Variants in TRAM2 observed in about 807,000 individuals in gnomAD.
TRAM2 encodes translocation associated membrane protein 2, also known as translocating chain-associated membrane protein 2.
Under a neutral mutation model 51.0 loss-of-function variants are expected in TRAM2, and 12 were observed. That is an observed-to-expected ratio of 0.24 (90% CI 0.15 to 0.38). The LOEUF is 0.38. Among genes scored for constraint, TRAM2 ranks in the 10% least tolerant of loss-of-function variants. The pLI, the probability that TRAM2 is intolerant of heterozygous loss-of-function variation, is 1.00. For missense variants in TRAM2, 361 were observed against 462.0 expected (o/e 0.78, Z 2.00); for synonymous variants, 175 against 179.4 (o/e 0.98, Z 0.20).
intron 2 of TRAM2, among the ~76,000 whole-genome samples, chr6:52,525,797 G>A (rs888622425): frequency 4.6e-5 from 7 of 152,150 alleles, no homozygotes. Context: ...GACAGAGCTA[G>A]ACTCCTGTCC....
chr6:52,503,413 C>T (rs1008105696), intron 10 of TRAM2, 143 bp from the exon 11 acceptor site: 25 of 733,360 alleles, frequency 3.4e-5, no homozygotes, highest in African/African-American at 2.8e-4. Flanking sequence ...CAGGCTGCAG[C>T]CTTGCACAGC....
chr6:52,550,881 T>C (rs1357309156), intron 1 of TRAM2, among the ~76,000 whole-genome samples: 1 of 152,118 alleles, frequency 6.6e-6, no homozygotes, highest in African/African-American at 2.4e-5. Flanking sequence ...ATAGGACACT[T>C]TAAACCAGCA....
chr6:52,505,155 T>C (rs1372651861), intron 9 of TRAM2, among the ~76,000 whole-genome samples: 1 of 152,226 alleles, frequency 6.6e-6, no homozygotes, highest in Non-Finnish European at 1.5e-5. Flanking sequence ...TCATTTAACA[T>C]GTCACTTAAA....
At chr6:52,568,134 C>G in intron 1 of TRAM2, among the ~76,000 whole-genome samples, 1 of 152,202 alleles carries the variant, frequency 6.6e-6, no homozygotes, top group Non-Finnish European at 1.5e-5. Context: ...TGGAAGAATC[C>G]AGGCCCCTGT....
chr6:52,551,509 G>A (rs1767309284), intron 1 of TRAM2, among the ~76,000 whole-genome samples: 1 of 152,180 alleles, frequency 6.6e-6, no homozygotes, highest in Non-Finnish European at 1.5e-5. Flanking sequence ...GTGAATGAGG[G>A]AGGAGAGAAA....
intron 1 of TRAM2, among the ~76,000 whole-genome samples, chr6:52,547,885 C>G (rs1225455826): frequency 1.3e-5 from 2 of 152,264 alleles, no homozygotes; most frequent in African/African-American, 2.4e-5. Flanking sequence ...TATTCACACT[C>G]TACAGCCACA....
At chr6:52,513,275 G>T (rs1766485491) in intron 4 of TRAM2, among the ~76,000 whole-genome samples, 1 of 152,162 alleles carries the variant, frequency 6.6e-6, no homozygotes, top group Non-Finnish European at 1.5e-5. Context: ...GATCATTTAT[G>T]ATATTTATTA....
At chr6:52,558,859 CCCCAAA>C (rs370561907) in intron 1 of TRAM2, among the ~76,000 whole-genome samples, 38 of 152,240 alleles carry the variant, frequency 2.5e-4, no homozygotes, top group African/African-American at 9.2e-4. Context: ...AGAGATGTGG[CCCCAAA>C]CCCAACCACG....
At chr6:52,567,231 G>T (rs1767604460) in intron 1 of TRAM2, among the ~76,000 whole-genome samples, 1 of 152,234 alleles carries the variant, frequency 6.6e-6, no homozygotes, top group Admixed American at 6.5e-5. Flanking sequence ...GTGGTAAGTG[G>T]TCAGTGAAAA....
rs1001328040 is a variant in TRAM2, at chr6:52,502,321, C to A, written c.*876G>T. ...TGAATGGCTGAAAAAGCAATGGCGA[C>A]TGGGACTGCTGGAGAAAGGCCTAGG... On this transcript the variant is annotated 3_prime_UTR_variant, in exon 11 of 11. Coordinates refer to ENST00000182527, the MANE Select transcript of TRAM2 (RefSeq NM_012288.4). The A allele has an allele frequency of 1.3e-5, 2 of 152,348 alleles. No homozygotes were observed. The highest frequency in any genetic ancestry group is 2.9e-5 in the Non-Finnish European group (2 of 68,126). The allele number at this position is 152,348 out of a possible 1,614,324, so 9.4% of individuals were successfully genotyped here.
rs549322729 is a variant in TRAM2, at chr6:52,554,766, CT to C, written c.121-18921del. Among the ~76,000 whole-genome samples the C allele has an allele frequency of 6.6e-3, 886 of 133,332 alleles. 4 individuals are homozygous for C. Among genetic ancestry groups the C allele is most frequent in the African/African-American group, 0.014 (484 of 35,418 alleles). The allele number at this position is 133,332 out of a possible 152,430, so 87.5% of individuals were successfully genotyped here. On this transcript the variant is annotated intron_variant, in intron 1 of 10. Coordinates refer to ENST00000182527, the MANE Select transcript of TRAM2 (RefSeq NM_012288.4). ...GTTACATTTCCACTTAGAGTCAATC[CT>C]TTTTTTTTTTTTTTTTTAACAGAGG...
chr6:52,514,187 G>A lies in TRAM2; in HGVS notation c.411+1819C>T, dbSNP rs77340909. On this transcript the variant is annotated intron_variant, in intron 4 of 10. Coordinates refer to ENST00000182527, the MANE Select transcript of TRAM2 (RefSeq NM_012288.4). ...GGAGGCAGAGCTGGCAGGACCTGCC[G>A]ATGAAATGACTGTGGAGAGTGAGAG... 9.8e-3 allele frequency among the ~76,000 whole-genome samples: 1,498 copies of A among 152,282 alleles called. 28 individuals carry two copies. Among genetic ancestry groups the A allele is most frequent in the African/African-American group, 0.034 (1,410 of 41,528 alleles).
At chr6:52,555,878 G>A (rs757692279) in intron 1 of TRAM2, among the ~76,000 whole-genome samples, 5 of 152,124 alleles carry the variant, frequency 3.3e-5, no homozygotes, top group Non-Finnish European at 7.4e-5. Context: ...TTTTAAAGTG[G>A]AAGAGCTATA....
At chr6:52,537,486 C>T (rs1016308668) in intron 1 of TRAM2, among the ~76,000 whole-genome samples, 1 of 152,156 alleles carries the variant, frequency 6.6e-6, no homozygotes. Flanking sequence ...CACCACCACA[C>T]ACACACAGCT....
Position 52,497,946 on chromosome 6 carries a change from CAG to C in TRAM2, c.*5249_*5250del, listed in dbSNP as rs1272365303. Reference sequence around the variant, plus strand: ...CAAGTAGCTCTAGAGTGCTTTTAGGCAGAGTGACGGTGATGTCATGGGCACCA... The same window carrying C: ...CAAGTAGCTCTAGAGTGCTTTTAGGCAGTGACGGTGATGTCATGGGCACCA... On this transcript the variant is annotated 3_prime_UTR_variant, in exon 11 of 11. Coordinates refer to ENST00000182527, the MANE Select transcript of TRAM2 (RefSeq NM_012288.4). 1 of 152,222 alleles carries C rather than the reference CAG, an allele frequency of 6.6e-6. No homozygotes were observed. The highest frequency in any genetic ancestry group is 2.4e-5 in the African/African-American group (1 of 41,448). 9.4% of individuals were successfully genotyped at this position (152,222 alleles called of 1,614,324 possible).
At chr6:52,574,862 G>T (rs1188294755) in intron 1 of TRAM2, among the ~76,000 whole-genome samples, 1 of 152,168 alleles carries the variant, frequency 6.6e-6, no homozygotes, top group Non-Finnish European at 1.5e-5. Context: ...AGATAAAACA[G>T]GGAGGGCCAC....
chr6:52,522,370 A>G (rs915720890), intron 2 of TRAM2, among the ~76,000 whole-genome samples: 7 of 152,364 alleles, frequency 4.6e-5, no homozygotes, highest in African/African-American at 7.2e-5. Context: ...TGGAGTCCCA[A>G]TGTTTCAAAA....
intron 1 of TRAM2, among the ~76,000 whole-genome samples, chr6:52,558,464 T>G (rs1006568206): frequency 2.8e-4 from 42 of 152,120 alleles, no homozygotes; most frequent in African/African-American, 1.0e-3. Context: ...AACTGAAGAG[T>G]TCTGGAGATT....
chr6:52,558,232 C>T (rs1767442264), intron 1 of TRAM2, among the ~76,000 whole-genome samples: 1 of 152,236 alleles, frequency 6.6e-6, no homozygotes, highest in African/African-American at 2.4e-5. Context: ...AAACTACTTG[C>T]AATCAGCAAG....
Sources: gnomAD v4.1 joint callset for allele counts (sites outside exome capture counted in the v4.1 genomes callset) on GRCh38, gnomAD v4.1.1 for gene constraint, MANE v1.5 for transcripts, NCBI Gene and HGNC (gene_info 2026-07-23, HGNC 2026-07-21) for gene names.